Variants in TMEM132B observed in about 807,000 individuals in gnomAD.
TMEM132B encodes the protein transmembrane protein 132B.
Under a neutral mutation model 90.8 loss-of-function variants are expected in TMEM132B, and 18 were observed. That is an observed-to-expected ratio of 0.20 (90% confidence interval 0.14 to 0.29). TMEM132B has a LOEUF of 0.29. TMEM132B is among the 10% of genes least tolerant of loss of function. TMEM132B has a pLI of 1.00. For missense variants in TMEM132B, 1,096 were observed against 1,326.8 expected (o/e 0.83, Z 2.70); for synonymous variants, 504 against 523.3 (o/e 0.96, Z 0.50).
At chr12:125,475,235 G>T (rs1408510837) in intron 3 of TMEM132B, among the ~76,000 whole-genome samples, 1 of 152,144 alleles carries the variant, frequency 6.6e-6, no homozygotes, top group Admixed American at 6.6e-5. Flanking sequence ...TGTAATTTAG[G>T]TTAGTATCAT....
At chr12:125,424,340 G>A (rs537826508) in intron 3 of TMEM132B, among the ~76,000 whole-genome samples, 75 of 152,254 alleles carry the variant, frequency 4.9e-4, no homozygotes, top group African/African-American at 8.2e-4. Context: ...ACAGGGCTCC[G>A]TGTGTGTCCA....
intron 3 of TMEM132B, among the ~76,000 whole-genome samples, chr12:125,440,661 C>T (rs1233778552): frequency 1.3e-5 from 2 of 152,186 alleles, no homozygotes; most frequent in Non-Finnish European, 2.9e-5. Context: ...TGAACTATTG[C>T]TACTCAGTGT....
At chr12:125,298,200 T>C (rs987561731) in intron 1 of TMEM132B, among the ~76,000 whole-genome samples, 45 of 152,122 alleles carry the variant, frequency 3.0e-4, no homozygotes, top group Non-Finnish European at 4.6e-4. Context: ...CAGTGAGCCA[T>C]GATTGCGCCA....
rs11058249 is a variant in TMEM132B, at chr12:125,574,291, G to A, written c.1294-9560G>A. Among the ~76,000 whole-genome samples, 615 of 152,078 alleles carry A rather than the reference G, an allele frequency of 4.0e-3. 10 individuals are homozygous for A. The East Asian group carries it at 0.07, about 17-fold the overall frequency. ...CCCTTGTCACAATCCCGAGCACATA[G>A]CAGATGCTCTCTTGTATGAGAGCTA... On this transcript the variant is annotated intron_variant, in intron 4 of 8. Coordinates refer to ENST00000682704, the MANE Select transcript of TMEM132B (RefSeq NM_001366854.1).
At chr12:125,644,025 C>T (rs759796051) in intron 5 of TMEM132B, 51 bp from the exon 6 acceptor site, 5 of 1,547,106 alleles carry the variant, frequency 3.2e-6, no homozygotes, top group Middle Eastern at 1.7e-4. Context: ...GTTGTTTTTT[C>T]CTTGTGCTTT....
intron 3 of TMEM132B, among the ~76,000 whole-genome samples, chr12:125,430,459 A>G (rs1288281595): frequency 6.6e-6 from 1 of 152,160 alleles, no homozygotes; most frequent in East Asian, 1.9e-4. Flanking sequence ...TGGCTCTGAG[A>G]TGGGAGGAAT....
In TMEM132B at chr12:125,234,313, A is replaced by G. The variant is rs79528309; in HGVS notation, c.67+47447A>G. 6.6e-5 allele frequency among the ~76,000 whole-genome samples: 10 copies of G among 152,236 alleles called. No individual in the cohort carries two copies. In the East Asian group the frequency reaches 1.7e-3, roughly 26 times the overall value. On this transcript the variant is annotated intron_variant, in intron 1 of 8. Transcript: ENST00000682704. The stretch of plus-strand genomic sequence containing the variant: ...TGAAAATGTCCCATCCTGTGACACC[A>G]CTGCAAAGGACCCAACCCCCTATTT...
intron 3 of TMEM132B, among the ~76,000 whole-genome samples, chr12:125,426,998 C>A (rs187575396): frequency 2.0e-4 from 31 of 152,324 alleles, no homozygotes; most frequent in African/African-American, 6.7e-4. Flanking sequence ...AAAGCATGAG[C>A]AAGAGTTTAA....
At chr12:125,634,508 A>C (rs572821791) in intron 5 of TMEM132B, among the ~76,000 whole-genome samples, 1 of 152,318 alleles carries the variant, frequency 6.6e-6, no homozygotes, top group African/African-American at 2.4e-5. Flanking sequence ...TCCTGTAACC[A>C]TCACAGTTGG....
At chr12:125,644,769 T>C (rs1436690373) in intron 6 of TMEM132B, among the ~76,000 whole-genome samples, 4 of 152,110 alleles carry the variant, frequency 2.6e-5, no homozygotes, top group Admixed American at 2.0e-4. Flanking sequence ...AGACTCTTCC[T>C]TTTTTTGCCT....
In TMEM132B at chr12:125,656,458, T is replaced by C. The variant is rs1277400141; in HGVS notation, c.*1748T>C. ...AGCCAAAAAGTTCTTCCTGTATCTC[T>C]GGCCCACAGGACTGTAGTGTGTTTG... On this transcript the variant is annotated 3_prime_UTR_variant, in exon 9 of 9. Transcript: ENST00000682704. 2 of 152,258 alleles carry C rather than the reference T, an allele frequency of 1.3e-5. No homozygotes were observed. Among genetic ancestry groups the C allele is most frequent in the Admixed American group, 6.5e-5 (1 of 15,274 alleles). The allele number at this position is 152,258 out of a possible 1,614,324, so 9.4% of individuals were successfully genotyped here. A position where few individuals can be genotyped will look rare whatever the true frequency, so the allele number is the denominator to read the frequency against.
At chr12:125,623,924 C>G (rs1324783014) in intron 5 of TMEM132B, among the ~76,000 whole-genome samples, 2 of 152,204 alleles carry the variant, frequency 1.3e-5, no homozygotes, top group Non-Finnish European at 2.9e-5. Flanking sequence ...GGGCACAGAT[C>G]AGACCTCTGA....
chr12:125,625,299 A>AT (rs1293451638), intron 5 of TMEM132B, among the ~76,000 whole-genome samples: 5 of 151,604 alleles, frequency 3.3e-5, no homozygotes, highest in African/African-American at 2.4e-5. Flanking sequence ...CGCCCAGCTA[A>AT]TTTTTTTATA....
intron 1 of TMEM132B, among the ~76,000 whole-genome samples, chr12:125,312,400 G>A (rs1330928579): frequency 6.6e-6 from 1 of 152,170 alleles, no homozygotes; most frequent in Non-Finnish European, 1.5e-5. Flanking sequence ...TACATGTCTT[G>A]CTCTGGACAT....
chr12:125,246,791 G>A lies in TMEM132B; in HGVS notation c.67+59925G>A, dbSNP rs1874216829. Among the ~76,000 whole-genome samples the A allele has an allele frequency of 6.6e-6, 1 of 152,202 alleles. No individual in the cohort carries two copies. Among genetic ancestry groups the A allele is most frequent in the Non-Finnish European group, 1.5e-5 (1 of 68,038 alleles). ...GTGGACAGAAGTGATGGATTTTGCA[G>A]TCTGGAGGCATCTGTCATTTTGAAT... On this transcript the variant is annotated intron_variant, in intron 1 of 8. Transcript: ENST00000682704. This position sits in a 1 kb window ranked among gnomAD's most constrained non-coding sequence, Gnocchi z 4.2.
intron 3 of TMEM132B, among the ~76,000 whole-genome samples, chr12:125,484,925 CT>C (rs1165769689): frequency 6.6e-6 from 1 of 151,936 alleles, no homozygotes; most frequent in African/African-American, 2.4e-5. Context: ...TTTTTTCCAC[CT>C]TTTCTCTTAA....
intron 3 of TMEM132B, among the ~76,000 whole-genome samples, chr12:125,486,301 A>G (rs1593169889): frequency 6.6e-6 from 1 of 152,326 alleles, no homozygotes; most frequent in East Asian, 1.9e-4. Context: ...TTATAGTATT[A>G]GTGCCCCATC....
At chr12:125,513,878 T>C (rs1265865554) in intron 3 of TMEM132B, among the ~76,000 whole-genome samples, 1 of 152,208 alleles carries the variant, frequency 6.6e-6, no homozygotes, top group Non-Finnish European at 1.5e-5. Flanking sequence ...GTGTTCATGA[T>C]AGCATTTGTC....
In TMEM132B at chr12:125,559,026, A is replaced by G. The variant is rs149836942; in HGVS notation, c.1294-24825A>G. On this transcript the variant is annotated intron_variant, in intron 4 of 8. Coordinates refer to ENST00000682704, the MANE Select transcript of TMEM132B (RefSeq NM_001366854.1). ...TGTACTAAGAATATAAATAAAATTAATCCTGTTTTTAGATGATAAAGTTGA... is the reference window on the plus strand; with the variant it reads ...TGTACTAAGAATATAAATAAAATTAGTCCTGTTTTTAGATGATAAAGTTGA... 5.7e-3 allele frequency among the ~76,000 whole-genome samples: 872 copies of G among 152,316 alleles called. 8 individuals are homozygous for G. Among genetic ancestry groups the G allele is most frequent in the African/African-American group, 0.02 (837 of 41,568 alleles).
Sources: allele counts gnomAD v4.1 joint callset (sites outside exome capture counted in the v4.1 genomes callset), GRCh38; gene constraint gnomAD v4.1.1; non-coding constraint Gnocchi (gnomAD v3.1); transcripts MANE v1.5; gene names NCBI Gene and HGNC (gene_info 2026-07-23, HGNC 2026-07-21).